DDX39B: variants seen among roughly 807,000 people sequenced by gnomAD.
The protein encoded by DDX39B is spliceosome RNA helicase DDX39B.
A neutral mutation model predicts 46.4 loss-of-function variants in DDX39B; 6 were observed. That is an observed-to-expected ratio of 0.13 (90% CI 0.07 to 0.26). DDX39B has a LOEUF of 0.26. Among genes scored for constraint, DDX39B ranks in the 10% least tolerant of loss-of-function variants. The probability of loss-of-function intolerance (pLI) is 1.00; values close to 1 mark genes in which losing one functional copy is unlikely to be tolerated. For missense variants in DDX39B, 185 were observed against 553.4 expected (o/e 0.33, Z 6.68); for synonymous variants, 174 against 199.4 (o/e 0.87, Z 1.07).
In DDX39B at chr6:31,531,951, G is replaced by A. The variant is rs751665648; in HGVS notation, c.868-546C>T. On this transcript the variant is annotated intron_variant, in intron 7 of 10. Transcript: ENST00000396172. This position sits in a 1 kb window ranked among gnomAD's most constrained non-coding sequence, Gnocchi z 5.8. ...TTCCACCTCAGCATCCCAAGCAGCT[G>A]GGACCACAGGTGCACACCACCACGC... Among the ~76,000 whole-genome samples, 23 of 152,200 alleles carry A rather than the reference G, an allele frequency of 1.5e-4. No homozygotes were observed. The highest frequency in any genetic ancestry group is 5.9e-4 in the Admixed American group (9 of 15,278).
At position 31,533,130 on chromosome 6, in the gene DDX39B, C is replaced by T. The variant is rs1029641671; in HGVS notation, c.736-219G>A. Reference sequence around the variant, plus strand: ...TCCTATCAGATGAGTTTTAAGACTGCCCAACTAAAAACTATCATGGGAAAG... The same window carrying T: ...TCCTATCAGATGAGTTTTAAGACTGTCCAACTAAAAACTATCATGGGAAAG... On this transcript the variant is annotated intron_variant, in intron 6 of 10. Transcript: ENST00000396172. 16 of 453,628 alleles carry T rather than the reference C, an allele frequency of 3.5e-5. No individual in the cohort carries two copies. In the Admixed American group the frequency reaches 3.6e-4, roughly 10 times the overall value. The allele number at this position is 453,628 out of a possible 1,614,324, so 28.1% of individuals were successfully genotyped here.
Position 31,530,390 on chromosome 6 carries a change from T to C in DDX39B, c.*44A>G. 1 of 1,611,918 alleles carries C rather than the reference T, an allele frequency of 6.2e-7. No individual in the cohort carries two copies. The highest frequency in any genetic ancestry group is 8.5e-7 in the Non-Finnish European group (1 of 1,179,414). ...CTCCTTCACCCCCACCCTGGTGTCC[T>C]CTCCTGAAGGACAGACGGTCACATT... On this transcript the variant is annotated 3_prime_UTR_variant, in exon 11 of 11. Coordinates refer to ENST00000396172, the MANE Select transcript of DDX39B (RefSeq NM_004640.7). This position sits in a 1 kb window ranked among gnomAD's most constrained non-coding sequence, Gnocchi z 4.5.
At position 31,535,136 on chromosome 6, in the gene DDX39B, C is replaced by T; in HGVS notation, c.735+231G>A. On this transcript the variant is annotated intron_variant, in intron 6 of 10. Transcript: ENST00000396172. The surrounding 1 kb of genome is among the most constrained non-coding windows in gnomAD (Gnocchi z 4.6). ...TGATTTATGAAAAAGTCGAACACTA[C>T]CCGCTCTCACATTAACCCGACCAAG... 1.7e-6 allele frequency: 1 copy of T among 589,952 alleles called. No individual in the cohort carries two copies. Among genetic ancestry groups the T allele is most frequent in the Non-Finnish European group, 3.0e-6 (1 of 328,812 alleles). The allele number at this position is 589,952 out of a possible 1,614,324, so 36.5% of individuals were successfully genotyped here.
chr6:31,540,649 A>G lies in DDX39B; in HGVS notation c.-117T>C. 1 of 931,050 alleles carries G rather than the reference A, an allele frequency of 1.1e-6. No homozygotes were observed. The highest frequency in any genetic ancestry group is 1.6e-6 in the Non-Finnish European group (1 of 622,098). The allele number at this position is 931,050 out of a possible 1,614,324, so 57.7% of individuals were successfully genotyped here. On this transcript the variant is annotated 5_prime_UTR_variant, in exon 2 of 11. Coordinates refer to ENST00000396172, the MANE Select transcript of DDX39B (RefSeq NM_004640.7). ...AACAGCAAAGGAAAACAAAGATACT[A>G]TTTCTAACAGAAGAGCTGGAGGGGG...
intron 1 of DDX39B, chr6:31,541,073 T>A (rs369126057): frequency 1.9e-6 from 1 of 531,014 alleles, no homozygotes; most frequent in African/African-American, 1.9e-5. Context: ...CCTATTATAA[T>A]CCCACCGTTA....
intron 7 of DDX39B, 119 bp downstream of exon 7, chr6:31,532,660 CT>C: frequency 7.5e-7 from 1 of 1,329,676 alleles, no homozygotes; most frequent in Non-Finnish European, 1.0e-6. Context: ...TATTTATACC[CT>C]CATTATTCTC....
At chr6:31,539,343 G>A (rs1768142489) in intron 2 of DDX39B, 69 bp from the exon 3 acceptor site, 2 of 1,569,112 alleles carry the variant, frequency 1.3e-6, no homozygotes, top group Middle Eastern at 1.7e-4. Context: ...TTTTCACCAT[G>A]CCAAGCCCAT....
chr6:31,537,702 G>T (rs1415039250), intron 4 of DDX39B, among the ~76,000 whole-genome samples: 3 of 152,022 alleles, frequency 2.0e-5, no homozygotes, highest in African/African-American at 7.3e-5. Flanking sequence ...AACAACTGTG[G>T]AATCAGACTG....
rs1768534184 is a variant in DDX39B, at chr6:31,541,963, G to A, written c.-146C>T. The A allele has an allele frequency of 4.5e-6, 3 of 672,174 alleles. No individual in the cohort carries two copies. The highest frequency in any genetic ancestry group is 1.5e-5 in the South Asian group (1 of 65,804). The allele number at this position is 672,174 out of a possible 1,614,324, so 41.6% of individuals were successfully genotyped here. A position where few individuals can be genotyped will look rare whatever the true frequency, so the allele number is the denominator to read the frequency against. ...GCCAAAGCTTACCTAAACAGGGAGAGCGCGTATGGCGGCAGCAACAGCGAC... is the reference window on the plus strand; with the variant it reads ...GCCAAAGCTTACCTAAACAGGGAGAACGCGTATGGCGGCAGCAACAGCGAC... On this transcript the variant is annotated 5_prime_UTR_variant, in exon 1 of 11. Coordinates refer to ENST00000396172, the MANE Select transcript of DDX39B (RefSeq NM_004640.7).
Position 31,540,611 on chromosome 6 carries a change from TA to T in DDX39B, c.-80del, listed in dbSNP as rs1309067987. The T allele has an allele frequency of 4.4e-6, 6 of 1,362,984 alleles. No homozygotes were observed. The highest frequency in any genetic ancestry group is 6.2e-6 in the Non-Finnish European group (6 of 966,802). The allele number at this position is 1,362,984 out of a possible 1,614,324, so 84.4% of individuals were successfully genotyped here. Reference sequence around the variant, plus strand: ...ATAGGTGAAAACAAGGGGTGAAGAGTAGGGGATTGAGGAACAGCAAAGGAAA... The same window carrying T: ...ATAGGTGAAAACAAGGGGTGAAGAGTGGGGATTGAGGAACAGCAAAGGAAA... On this transcript the variant is annotated 5_prime_UTR_variant, in exon 2 of 11. Coordinates refer to ENST00000396172, the MANE Select transcript of DDX39B (RefSeq NM_004640.7).
intron 7 of DDX39B, 90 bp downstream of exon 7, chr6:31,532,690 A>C: frequency 6.6e-7 from 1 of 1,507,954 alleles, no homozygotes; most frequent in Non-Finnish European, 9.1e-7. Context: ...CACACATGTG[A>C]TTTCCTCAAT....
intron 1 of DDX39B, chr6:31,540,970 T>G: frequency 2.4e-6 from 1 of 421,390 alleles, no homozygotes. Flanking sequence ...GAATAGATAA[T>G]AAAAGGTAAA....
In DDX39B at chr6:31,534,880, A is replaced by G; in HGVS notation, c.735+487T>C. Reference sequence around the variant, plus strand: ...CTGGAGGTGGGGAAGGGGAGGATTCATTTGTGCTGATGCTCTTCTTTTGGA... The same window carrying G: ...CTGGAGGTGGGGAAGGGGAGGATTCGTTTGTGCTGATGCTCTTCTTTTGGA... On this transcript the variant is annotated intron_variant, in intron 6 of 10. Coordinates refer to ENST00000396172, the MANE Select transcript of DDX39B (RefSeq NM_004640.7). The surrounding 1 kb of genome is among the most constrained non-coding windows in gnomAD (Gnocchi z 5.1). 1 of 272,530 alleles carries G rather than the reference A, an allele frequency of 3.7e-6. No homozygotes were observed. The highest frequency in any genetic ancestry group is 7.3e-6 in the Non-Finnish European group (1 of 137,062). 16.9% of individuals were successfully genotyped at this position (272,530 alleles called of 1,614,324 possible).
In DDX39B at chr6:31,540,604, T is replaced by C; in HGVS notation, c.-72A>G. 7.0e-7 allele frequency: 1 copy of C among 1,431,260 alleles called. No individual in the cohort carries two copies. The highest frequency in any genetic ancestry group is 1.2e-5 in the South Asian group (1 of 86,840). 88.7% of individuals were successfully genotyped at this position (1,431,260 alleles called of 1,614,324 possible). ...TCGCAAAATAGGTGAAAACAAGGGG[T>C]GAAGAGTAGGGGATTGAGGAACAGC... On this transcript the variant is annotated 5_prime_UTR_variant, in exon 2 of 11. Coordinates refer to ENST00000396172, the MANE Select transcript of DDX39B (RefSeq NM_004640.7).
chr6:31,535,448 G>C lies in DDX39B; in HGVS notation c.654C>G (p.Thr218=). 1 of 1,612,990 alleles carries C rather than the reference G, an allele frequency of 6.2e-7. No homozygotes were observed. The change falls in exon 6 of 11, where the codon ACC becomes ACG. Residue 218 remains threonine, a synonymous_variant. Transcript: ENST00000396172. The surrounding 1 kb of genome is among the most constrained non-coding windows in gnomAD (Gnocchi z 4.6). ...RRDVQEIFRM[T]PHEKQVMMFS... ...ACATCATGACCTGCTTCTCGTGGGG[G>C]GTCATGCGAAAAATTTCCTGGACAT...
intron 5 of DDX39B, 55 bp downstream of exon 5, chr6:31,536,445 T>C (rs768189104): frequency 1.9e-6 from 3 of 1,610,724 alleles, no homozygotes; most frequent in Admixed American, 1.7e-5. Context: ...TAAACATCAT[T>C]TGGCTCCAAA....
rs1767514826 is a variant in DDX39B at position 31,534,210 on chromosome 6, A to T, written c.735+1157T>A. On this transcript the variant is annotated intron_variant, in intron 6 of 10. Transcript: ENST00000396172. The surrounding 1 kb of genome is among the most constrained non-coding windows in gnomAD (Gnocchi z 5.1). ...AGACAAAGTCTCACTACACTGCCCCAGCTAGTCTCAAATTCCTGGGCTCAA... is the reference window on the plus strand; with the variant it reads ...AGACAAAGTCTCACTACACTGCCCCTGCTAGTCTCAAATTCCTGGGCTCAA... 4 of 228,918 alleles carry T rather than the reference A, an allele frequency of 1.7e-5. No individual in the cohort carries two copies. The highest frequency in any genetic ancestry group is 3.6e-5 in the Non-Finnish European group (4 of 111,304). 14.2% of individuals were successfully genotyped at this position (228,918 alleles called of 1,614,324 possible).
At chr6:31,541,893 G>A (rs984096391) in intron 1 of DDX39B, 57 bp downstream of exon 1, 31 of 634,652 alleles carry the variant, frequency 4.9e-5, no homozygotes, top group Non-Finnish European at 7.8e-5. Context: ...CCCATGTGAC[G>A]GGATGGGTGC....
At chr6:31,532,132 C>T (rs2150327326) in intron 7 of DDX39B, among the ~76,000 whole-genome samples, 1 of 152,164 alleles carries the variant, frequency 6.6e-6, no homozygotes, top group African/African-American at 2.4e-5. Context: ...GCCCTGCACC[C>T]AGTCAGAAAT....
Sources: gnomAD v4.1 joint callset for allele counts (sites outside exome capture counted in the v4.1 genomes callset) on GRCh38, gnomAD v4.1.1 for gene constraint, Gnocchi (gnomAD v3.1) non-coding constraint, MANE v1.5 for transcripts, NCBI Gene and HGNC (gene_info 2026-07-23, HGNC 2026-07-21) for gene names.